Variants in PLAAT2 observed in about 807,000 individuals in gnomAD.
PLAAT2 encodes the protein HRAS like suppressor 2.
A neutral mutation model predicts 12.8 loss-of-function variants in PLAAT2; 12 were observed. The observed-to-expected ratio is 0.94, with a 90% confidence interval of 0.60 to 1.52. The LOEUF (loss-of-function observed/expected upper bound fraction) is 1.52, where lower values mean the gene tolerates loss of function less well. Among genes scored for constraint, PLAAT2 ranks in the 40% most tolerant of loss-of-function variants. The probability of loss-of-function intolerance (pLI) is 0.00; values close to 1 mark genes in which losing one functional copy is unlikely to be tolerated. For missense variants in PLAAT2, 166 were observed against 208.1 expected, an observed-to-expected ratio of 0.80 and a Z score of 1.24; for synonymous variants, 79 against 86.8, an observed-to-expected ratio of 0.91 and a Z score of 0.50.
intron 1 of PLAAT2, 104 bp downstream of exon 1, chr11:63,563,212 G>A: frequency 2.2e-6 from 3 of 1,338,444 alleles, no homozygotes; most frequent in Non-Finnish European, 3.2e-6. Context: ...GTGCCCATGT[G>A]CCCTCCATGC....
upstream of PLAAT2, among the ~76,000 whole-genome samples, chr11:63,563,727 A>C (rs1320295569): frequency 6.6e-6 from 1 of 151,684 alleles, no homozygotes; most frequent in Admixed American, 6.6e-5. Context: ...AAAAAAAAAA[A>C]AAAAAAAAAA....
intron 2 of PLAAT2, among the ~76,000 whole-genome samples, chr11:63,558,994 C>T (rs963496479): frequency 6.6e-6 from 1 of 152,178 alleles, no homozygotes; most frequent in African/African-American, 2.4e-5. Flanking sequence ...TCCCAACTGC[C>T]GCTCACTAGC....
chr11:63,559,928 C>T (rs1421445450), intron 2 of PLAAT2, among the ~76,000 whole-genome samples, 157 bp downstream of exon 2: 1 of 152,198 alleles, frequency 6.6e-6, no homozygotes, highest in East Asian at 1.9e-4. Context: ...AGAAGAATAG[C>T]AGTTGCTACA....
chr11:63,553,868 G>A (rs1452982936), intron 3 of PLAAT2, among the ~76,000 whole-genome samples: 2 of 152,164 alleles, frequency 1.3e-5, no homozygotes, highest in Non-Finnish European at 2.9e-5. Context: ...CCCACTGCCA[G>A]GCACAGAGTC....
intron 3 of PLAAT2, among the ~76,000 whole-genome samples, chr11:63,557,874 C>A (rs1276028561): frequency 2.0e-5 from 3 of 152,250 alleles, no homozygotes; most frequent in South Asian, 4.2e-4. Context: ...TGGTAATCTC[C>A]AGCTCATTTT....
chr11:63,562,234 G>C (rs1483741775), intron 1 of PLAAT2, among the ~76,000 whole-genome samples: 1 of 152,168 alleles, frequency 6.6e-6, no homozygotes, highest in Non-Finnish European at 1.5e-5. Context: ...TATGCTAATA[G>C]TTTTGGTTTT....
upstream of PLAAT2, among the ~76,000 whole-genome samples, chr11:63,563,573 G>T (rs1002156948): frequency 6.6e-6 from 1 of 150,538 alleles, no homozygotes. Context: ...GAAAAAATTA[G>T]CTGGGCATGG....
intron 1 of PLAAT2, 43 bp from the exon 2 acceptor site, chr11:63,560,236 C>T (rs1048879417): frequency 1.3e-6 from 2 of 1,482,814 alleles, no homozygotes; most frequent in Admixed American, 1.7e-5. Context: ...GAGCCATCTG[C>T]AGGAAACATT....
At chr11:63,555,535 T>C (rs1014079552) in intron 3 of PLAAT2, among the ~76,000 whole-genome samples, 10 of 151,852 alleles carry the variant, frequency 6.6e-5, no homozygotes, top group Admixed American at 2.0e-4. Flanking sequence ...AAAAAAGAAA[T>C]ACAAAAATTA....
intron 3 of PLAAT2, among the ~76,000 whole-genome samples, chr11:63,558,093 A>G (rs1226721979): frequency 6.6e-6 from 1 of 151,978 alleles, no homozygotes; most frequent in Non-Finnish European, 1.5e-5. Context: ...CAGTTTCCCC[A>G]TCTGTAAAGT....
At chr11:63,557,471 G>C (rs2017476105) in intron 3 of PLAAT2, among the ~76,000 whole-genome samples, 1 of 151,990 alleles carries the variant, frequency 6.6e-6, no homozygotes, top group South Asian at 2.1e-4. Flanking sequence ...AGGCTGCAGT[G>C]AGCCATGATC....
At chr11:63,564,716 C>T (rs1480536260), upstream of PLAAT2, among the ~76,000 whole-genome samples, 1 of 152,136 alleles carries the variant, frequency 6.6e-6, no homozygotes, top group Non-Finnish European at 1.5e-5. Flanking sequence ...TATCTCCTGC[C>T]CCATTGTCCA....
rs1414491616 is a variant in PLAAT2 at position 63,558,425 on chromosome 11, G to A, written c.354C>T (p.Asn118=). The A allele has an allele frequency of 1.9e-6, 3 of 1,614,244 alleles. No homozygotes were observed. The highest frequency in any genetic ancestry group is 2.5e-6 in the Non-Finnish European group (3 of 1,180,046). ...LTSDNCEHFV[N]HLRYGVSRSD... ...TGCGGGAGACGCCATAGCGCAGATGGTTCACGAAGTGCTCGCAGTTGTCAC... is the reference window on the plus strand; with the variant it reads ...TGCGGGAGACGCCATAGCGCAGATGATTCACGAAGTGCTCGCAGTTGTCAC... Residue 118 remains asparagine (N), a synonymous_variant, in exon 3 of 4, where the codon AAC becomes AAT. Transcript: ENST00000255695.
intron 3 of PLAAT2, among the ~76,000 whole-genome samples, chr11:63,554,536 G>A (rs1045648961): frequency 4.6e-5 from 7 of 151,664 alleles, no homozygotes; most frequent in African/African-American, 1.7e-4. Flanking sequence ...GCTGAGGCAG[G>A]AGAATTGCTT....
chr11:63,553,647 C>T (rs77556966), intron 3 of PLAAT2, among the ~76,000 whole-genome samples: 76 of 152,260 alleles, frequency 5.0e-4, no homozygotes, highest in Non-Finnish European at 9.4e-4. Flanking sequence ...GAGTCCCTGT[C>T]TTAAAAAATA....
upstream of PLAAT2, among the ~76,000 whole-genome samples, chr11:63,564,151 G>GT (rs2017543864): frequency 1.3e-5 from 2 of 152,198 alleles, no homozygotes; most frequent in Non-Finnish European, 2.9e-5. Context: ...TGGAAACAGA[G>GT]TGAGCCTGCT....
At chr11:63,558,733 C>A (rs540162285) in intron 2 of PLAAT2, 73 bp from the exon 3 acceptor site, 6 of 1,545,234 alleles carry the variant, frequency 3.9e-6, no homozygotes, top group South Asian at 3.6e-5. Flanking sequence ...AGCCTCATCG[C>A]CCCGAGCACC....
intron 3 of PLAAT2, among the ~76,000 whole-genome samples, chr11:63,555,495 C>CT (rs1240952817): frequency 7.9e-5 from 12 of 152,162 alleles, no homozygotes; most frequent in African/African-American, 2.7e-4. Flanking sequence ...TGAGACCAGT[C>CT]TGGGCAATAT....
chr11:63,554,829 AG>A (rs1282955031), intron 3 of PLAAT2, among the ~76,000 whole-genome samples: 3 of 152,286 alleles, frequency 2.0e-5, no homozygotes, highest in African/African-American at 7.2e-5. Flanking sequence ...GGGAAAAGAA[AG>A]GGGGAAAAAA....
Sources: gnomAD v4.1 joint callset for allele counts (sites outside exome capture counted in the v4.1 genomes callset) on GRCh38, gnomAD v4.1.1 for gene constraint, MANE v1.5 for transcripts, NCBI Gene and HGNC (gene_info 2026-07-23, HGNC 2026-07-21) for gene names.